NDUFS1: variants seen among roughly 807,000 people sequenced by gnomAD.
The protein encoded by NDUFS1 is NADH-ubiquinone oxidoreductase 75 kDa subunit, mitochondrial.
In NDUFS1, 61 loss-of-function variants were observed where a neutral mutation model predicts 84.4. The observed-to-expected ratio is 0.72, with a 90% CI of 0.59 to 0.89. The LOEUF is 0.89. Ranked by LOEUF, NDUFS1 falls within the 40% of genes least tolerant of loss-of-function variation. The probability of loss-of-function intolerance (pLI) is 0.00; values close to 1 mark genes in which losing one functional copy is unlikely to be tolerated. For synonymous variants in NDUFS1, 275 were observed against 290.0 expected, an observed-to-expected ratio of 0.95 and a Z score of 0.53; for missense variants, 891 against 890.0, an observed-to-expected ratio of 1.00 and a Z score of -0.01.
chr2:206,137,424 G>A (rs1483020190), intron 13 of NDUFS1, among the ~76,000 whole-genome samples: 1 of 151,834 alleles, frequency 6.6e-6, no homozygotes, highest in African/African-American at 2.4e-5. Flanking sequence ...AGCCAAGATC[G>A]TGCCACTGCA....
At position 206,130,221 on chromosome 2, in the gene NDUFS1, A is replaced by G. The variant is rs769684766; in HGVS notation, c.1575T>C (p.Ala525=). ...ILHRIASQVA[A]LDLGYKPGVE... ...CCCCAGGCTTATAGCCAAGGTCCAAAGCAGCTACTTGACTTGCAATCCTGC... is the reference window on the plus strand; with the variant it reads ...CCCCAGGCTTATAGCCAAGGTCCAAGGCAGCTACTTGACTTGCAATCCTGC... Residue 525 remains alanine, a synonymous_variant, in exon 15 of 19, where the codon GCT becomes GCC. Transcript: ENST00000233190. The G allele has an allele frequency of 3.7e-6, 6 of 1,614,092 alleles. No homozygotes were observed. The East Asian group carries it at 1.3e-4, about 36-fold the overall frequency.
intron 8 of NDUFS1, among the ~76,000 whole-genome samples, chr2:206,146,412 T>G (rs1279038052): frequency 6.6e-6 from 1 of 152,216 alleles, no homozygotes; most frequent in East Asian, 1.9e-4. Flanking sequence ...TTTAAGAACC[T>G]TAAAAATAAT....
intron 12 of NDUFS1, 122 bp from the exon 13 acceptor site, chr2:206,138,736 AAC>A: frequency 9.1e-7 from 1 of 1,094,050 alleles, no homozygotes. Flanking sequence ...CAATACATTT[AAC>A]AGATATGATT....
intron 3 of NDUFS1, 129 bp from the exon 4 acceptor site, chr2:206,150,054 T>TATCTATCTA: frequency 4.0e-5 from 29 of 724,388 alleles, no homozygotes; most frequent in South Asian, 8.2e-5. Context: ...TCTATCTATC[T>TATCTATCTA]TAATTCATTC....
intron 18 of NDUFS1, 84 bp downstream of exon 18, chr2:206,126,455 A>T: frequency 8.0e-7 from 1 of 1,256,122 alleles, no homozygotes; most frequent in Non-Finnish European, 1.2e-6. Context: ...TATCAATCAC[A>T]AATTGGAATT....
intron 5 of NDUFS1, 133 bp downstream of exon 5, chr2:206,148,887 G>C (rs1692260728): frequency 1.4e-6 from 1 of 691,400 alleles, no homozygotes; most frequent in Non-Finnish European, 2.6e-6. Context: ...CACTTCTATT[G>C]CTCCTAGAAG....
At chr2:206,154,922 CTTTT>C (rs71034412) in intron 1 of NDUFS1, among the ~76,000 whole-genome samples, 2 of 100,822 alleles carry the variant, frequency 2.0e-5, no homozygotes, top group South Asian at 3.3e-4. Flanking sequence ...GTGCCCGGCC[CTTTT>C]TTTTTTTTTT....
chr2:206,156,442 G>A (rs917327327), intron 1 of NDUFS1, among the ~76,000 whole-genome samples: 2 of 151,796 alleles, frequency 1.3e-5, no homozygotes, highest in Non-Finnish European at 2.9e-5. Flanking sequence ...GGGTGTGGTG[G>A]CATGCGCCTG....
At position 206,122,687 on chromosome 2, in the gene NDUFS1, G is replaced by C. The variant is rs1279039638; in HGVS notation, c.*1498C>G. 6.7e-6 allele frequency: 1 copy of C among 150,110 alleles called. No homozygotes were observed. Among genetic ancestry groups the C allele is most frequent in the Non-Finnish European group, 1.5e-5 (1 of 67,790 alleles). The allele number at this position is 150,110 out of a possible 1,614,324, so 9.3% of individuals were successfully genotyped here. On this transcript the variant is annotated 3_prime_UTR_variant, in exon 19 of 19. Coordinates refer to ENST00000233190, the MANE Select transcript of NDUFS1 (RefSeq NM_005006.7). ...ATCCTATACTTGGGCTGAGTCTTTA[G>C]TGAAAGCAGAAAAGAATAAGGATTA...
At chr2:206,158,126 C>G (rs1576007691) in intron 1 of NDUFS1, among the ~76,000 whole-genome samples, 1 of 152,168 alleles carries the variant, frequency 6.6e-6, no homozygotes, top group East Asian at 1.9e-4. Context: ...CCACGCCCAG[C>G]TAATTTTTTG....
At position 206,149,615 on chromosome 2, in the gene NDUFS1, G is replaced by GAC. The variant is rs3217139; in HGVS notation, c.261+201_261+202dup. 0.61 allele frequency among the ~76,000 whole-genome samples: 92,882 copies of GAC among 151,812 alleles called. 29,292 individuals carry two copies. The highest frequency in any genetic ancestry group is 0.77 in the African/African-American group (31,844 of 41,422). The stretch of plus-strand genomic sequence containing the variant: ...ATTTCTAGATATGTTACAATTATAT[G>GAC]ACATGTGTTTGTAAAGCACTTCTAT... On this transcript the variant is annotated intron_variant, in intron 4 of 18. Transcript: ENST00000233190.
intron 12 of NDUFS1, among the ~76,000 whole-genome samples, chr2:206,139,871 T>TAAAA (rs35564839): frequency 2.9e-5 from 3 of 103,582 alleles, no homozygotes; most frequent in Admixed American, 1.1e-4. Flanking sequence ...CTTGTGTTCT[T>TAAAA]AAAAAAAAAA....
At chr2:206,133,211 C>G in intron 13 of NDUFS1, 106 bp from the exon 14 acceptor site, 1 of 878,758 alleles carries the variant, frequency 1.1e-6, no homozygotes, top group East Asian at 2.7e-5. Context: ...TTAGGTGTAA[C>G]ATGAATGTCT....
In NDUFS1 at chr2:206,116,469, GC is replaced by G; in HGVS notation, c.*7715del. ...GACCACGTGCAGGCTGCAGAGCACG[GC>G]CCGCACGCTCCGCACCACTCGCAGC... On this transcript the variant is annotated 3_prime_UTR_variant, in exon 19 of 19. Transcript: ENST00000233190. The G allele has an allele frequency of 8.6e-7, 1 of 1,163,534 alleles. No homozygotes were observed. The highest frequency in any genetic ancestry group is 1.3e-5 in the South Asian group (1 of 76,262). 72.1% of individuals were successfully genotyped at this position (1,163,534 alleles called of 1,614,324 possible).
chr2:206,125,375 T>C (rs578169292), intron 18 of NDUFS1, among the ~76,000 whole-genome samples: 32 of 151,986 alleles, frequency 2.1e-4, no homozygotes, highest in South Asian at 1.5e-3. Context: ...GGTGGGAGGA[T>C]CACTTCAGCT....
intron 13 of NDUFS1, among the ~76,000 whole-genome samples, chr2:206,136,342 GC>G (rs953579578): frequency 1.3e-5 from 2 of 150,436 alleles, no homozygotes; most frequent in Non-Finnish European, 3.0e-5. Flanking sequence ...ATGAGCCACC[GC>G]ACCCAGCCTG....
chr2:206,124,754 G>A (rs996958114), intron 18 of NDUFS1, among the ~76,000 whole-genome samples: 4 of 151,984 alleles, frequency 2.6e-5, no homozygotes, highest in Non-Finnish European at 4.4e-5. Flanking sequence ...CAGGAGAATC[G>A]TGTGAACCTA....
chr2:206,117,684 C>T lies in NDUFS1; in HGVS notation c.*6501G>A, dbSNP rs921458541. On this transcript the variant is annotated 3_prime_UTR_variant, in exon 19 of 19. Transcript: ENST00000233190. ...TCCTGGCCTTATGAGAGCCACCGCA[C>T]CCAGCTGATACTCTGCAAATGTTTA... 7 of 152,190 alleles carry T rather than the reference C, an allele frequency of 4.6e-5. No individual in the cohort carries two copies. Among genetic ancestry groups the T allele is most frequent in the African/African-American group, 1.7e-4 (7 of 41,448 alleles). The allele number at this position is 152,190 out of a possible 1,614,324, so 9.4% of individuals were successfully genotyped here. A position where few individuals can be genotyped will look rare whatever the true frequency, so the allele number is the denominator to read the frequency against.
chr2:206,149,342 G>A (rs1015911419), intron 4 of NDUFS1, among the ~76,000 whole-genome samples: 27 of 152,160 alleles, frequency 1.8e-4, no homozygotes, highest in African/African-American at 6.5e-4. Context: ...AATAGTCAAT[G>A]CAATTTTTTA....
Sources: gnomAD v4.1 joint callset for allele counts (sites outside exome capture counted in the v4.1 genomes callset) on GRCh38, gnomAD v4.1.1 for gene constraint, MANE v1.5 for transcripts, NCBI Gene and HGNC (gene_info 2026-07-23, HGNC 2026-07-21) for gene names.